The following SYNE1 variants were observed in gnomAD, a reference collection of about 807,000 sequenced individuals.
SYNE1 encodes spectrin repeat containing nuclear envelope protein 1.
SYNE1 carries 616 observed loss-of-function variants against 1,111.0 expected under a neutral mutation model. The ratio of observed to expected loss-of-function variants is 0.55; its 90% CI spans 0.52 to 0.59. The LOEUF (loss-of-function observed/expected upper bound fraction) is 0.59, where lower values mean the gene tolerates loss of function less well. Among genes scored for constraint, SYNE1 ranks in the 20% least tolerant of loss-of-function variants. The pLI is 0.00. For synonymous variants in SYNE1, 3,855 were observed against 3,825.8 expected (o/e 1.01, Z -0.28); for missense variants, 10,006 against 10,417.0 (o/e 0.96, Z 1.72).
chr6:152,307,748 A>G (rs1038983475), intron 91 of SYNE1, among the ~76,000 whole-genome samples: 1 of 152,238 alleles, frequency 6.6e-6, no homozygotes, highest in Non-Finnish European at 1.5e-5. Flanking sequence ...TTAGCAAAGT[A>G]AACAACCTGG....
At position 152,433,777 on chromosome 6, in the gene SYNE1, AAT is replaced by A; in HGVS notation, c.4461+16_4461+17del. On this transcript the variant is annotated intron_variant, in intron 34 of 145. Transcript: ENST00000367255. ...AAAGCTAGACATGGATTATAAATAT[AAT>A]GTGTGAGCAGGTCACCTTAATTTGG... 1 of 1,613,516 alleles carries A rather than the reference AAT, an allele frequency of 6.2e-7. No homozygotes were observed. Among genetic ancestry groups the A allele is most frequent in the Non-Finnish European group, 8.5e-7 (1 of 1,179,546 alleles).
chr6:152,161,044 AT>A (rs2062383771), intron 131 of SYNE1, among the ~76,000 whole-genome samples: 1 of 151,652 alleles, frequency 6.6e-6, no homozygotes, highest in South Asian at 2.1e-4. Context: ...TAGGAGAGAA[AT>A]ATAGACATAA....
chr6:152,158,493 A>G (rs2061798387), intron 131 of SYNE1, among the ~76,000 whole-genome samples: 1 of 152,106 alleles, frequency 6.6e-6, no homozygotes, highest in African/African-American at 2.4e-5. Context: ...CCTTTAATTA[A>G]TTTTGGAGAT....
chr6:152,289,925 C>T (rs867793738), intron 95 of SYNE1, among the ~76,000 whole-genome samples: 340 of 130,036 alleles, frequency 2.6e-3, no homozygotes, highest in African/African-American at 8.2e-3. Flanking sequence ...CGCGCCCAGC[C>T]TTTTTTTTTT....
chr6:152,514,471 C>G (rs910380677), intron 6 of SYNE1, among the ~76,000 whole-genome samples: 12 of 151,976 alleles, frequency 7.9e-5, no homozygotes, highest in African/African-American at 2.9e-4. Context: ...CACACCAGTG[C>G]CTGTCACGGG....
At position 152,428,979 on chromosome 6, in the gene SYNE1, A is replaced by G. The variant is rs1029702578; in HGVS notation, c.4789-587T>C. On this transcript the variant is annotated intron_variant, in intron 36 of 145. Coordinates refer to ENST00000367255, the MANE Select transcript of SYNE1 (RefSeq NM_182961.4). Reference sequence around the variant, plus strand: ...TCATTTTATGCTAAATACGTATTTAAAAACCCTATTCTTAACTTACAAAAC... The same window carrying G: ...TCATTTTATGCTAAATACGTATTTAGAAACCCTATTCTTAACTTACAAAAC... 2.0e-5 allele frequency among the ~76,000 whole-genome samples: 3 copies of G among 151,932 alleles called. No individual in the cohort carries two copies. The South Asian group carries it at 6.2e-4, about 32-fold the overall frequency.
rs796182017 is a variant in SYNE1, at chr6:152,419,984, T to C, written c.5268-262A>G. Among the ~76,000 whole-genome samples the C allele has an allele frequency of 3.3e-5, 5 of 152,308 alleles. No individual in the cohort carries two copies. In the South Asian group the frequency reaches 8.3e-4, roughly 25 times the overall value. On this transcript the variant is annotated intron_variant, in intron 39 of 145. Coordinates refer to ENST00000367255, the MANE Select transcript of SYNE1 (RefSeq NM_182961.4). ...TTTCTTTACGAGTGCATCTAATCTA[T>C]GGATACCCTCTCAGCATAACATATG... is the stretch of plus-strand genomic sequence containing the variant.
intron 16 of SYNE1, among the ~76,000 whole-genome samples, chr6:152,466,620 A>G (rs2098769871): frequency 6.6e-6 from 1 of 152,140 alleles, no homozygotes; most frequent in Admixed American, 6.6e-5. Flanking sequence ...CTATTACAGA[A>G]AAATTGCAGT....
chr6:152,165,550 T>C (rs2063481906), intron 130 of SYNE1, among the ~76,000 whole-genome samples: 1 of 152,224 alleles, frequency 6.6e-6, no homozygotes, highest in African/African-American at 2.4e-5. Context: ...CATTACCTTT[T>C]ATTGTTTTAA....
intron 6 of SYNE1, among the ~76,000 whole-genome samples, chr6:152,517,748 C>A (rs577430788): frequency 6.6e-6 from 1 of 152,056 alleles, no homozygotes; most frequent in East Asian, 1.9e-4. Context: ...GTATGCTATC[C>A]TTCATGTAAG....
At chr6:152,308,762 CT>C in intron 90 of SYNE1, 130 bp from the exon 91 acceptor site, 1 of 1,037,870 alleles carries the variant, frequency 9.6e-7, no homozygotes, top group Non-Finnish European at 1.4e-6. Flanking sequence ...GGTAAAATTC[CT>C]AGATGGTTTG....
chr6:152,420,104 G>A (rs2098231663), intron 39 of SYNE1, among the ~76,000 whole-genome samples: 2 of 152,196 alleles, frequency 1.3e-5, no homozygotes, highest in Non-Finnish European at 2.9e-5. Flanking sequence ...TGCCACAGAA[G>A]TAACCAAAGT....
intron 3 of SYNE1, among the ~76,000 whole-genome samples, chr6:152,585,103 G>A (rs1039311148): frequency 6.6e-6 from 1 of 152,066 alleles, no homozygotes; most frequent in African/African-American, 2.4e-5. Flanking sequence ...GTTCTCATGA[G>A]AGTTGAGGGT....
At position 152,601,743 on chromosome 6, in the gene SYNE1, TTAAG is replaced by T. The variant is rs202213522; in HGVS notation, c.67+26518_67+26521del. On this transcript the variant is annotated intron_variant, in intron 3 of 145. Coordinates refer to ENST00000367255, the MANE Select transcript of SYNE1 (RefSeq NM_182961.4). Reference sequence around the variant, plus strand: ...ACCGGAGTTGCAGTTTGAATGGAAGTTAAGTGTCATTGAGAGGACTGGTTCCTAA... The same window carrying T: ...ACCGGAGTTGCAGTTTGAATGGAAGTTGTCATTGAGAGGACTGGTTCCTAA... 2.4e-4 allele frequency among the ~76,000 whole-genome samples: 36 copies of T among 152,246 alleles called. No individual in the cohort carries two copies. The East Asian group carries it at 6.6e-3, about 28-fold the overall frequency.
chr6:152,381,383 G>T, intron 55 of SYNE1, 21 bp from the exon 56 acceptor site: 1 of 1,609,128 alleles, frequency 6.2e-7, no homozygotes, highest in South Asian at 1.1e-5. Context: ...ATATCACCAT[G>T]GTAACTGAAG....
At chr6:152,189,014 T>TAC (rs2071386190) in intron 128 of SYNE1, among the ~76,000 whole-genome samples, 1 of 104,780 alleles carries the variant, frequency 9.5e-6, no homozygotes, top group Admixed American at 1.0e-4. Context: ...TATATATATA[T>TAC]ATATAAAATG....
intron 4 of SYNE1, among the ~76,000 whole-genome samples, chr6:152,538,627 T>TG (rs1235485486): frequency 6.8e-6 from 1 of 146,548 alleles, no homozygotes; most frequent in Non-Finnish European, 1.5e-5. Flanking sequence ...CTTTTCATTT[T>TG]GAAAAAAAAA....
intron 93 of SYNE1, among the ~76,000 whole-genome samples, chr6:152,299,679 T>C (rs1237581007): frequency 2.6e-5 from 4 of 151,288 alleles, no homozygotes; most frequent in Non-Finnish European, 5.9e-5. Context: ...TTCATCACCT[T>C]GATGTTCCTT....
At chr6:152,381,506 C>T (rs2097414878) in intron 55 of SYNE1, 144 bp from the exon 56 acceptor site, 1 of 835,410 alleles carries the variant, frequency 1.2e-6, no homozygotes, top group Admixed American at 1.8e-5. Flanking sequence ...TTCATCTGTC[C>T]ACTCTTAAAT....
Sources: allele counts gnomAD v4.1 joint callset (sites outside exome capture counted in the v4.1 genomes callset), GRCh38; gene constraint gnomAD v4.1.1; transcripts MANE v1.5; gene names NCBI Gene and HGNC (gene_info 2026-07-23, HGNC 2026-07-21).